The following PARD3 variants were observed in gnomAD, a reference collection of about 807,000 sequenced individuals.
PARD3 encodes partitioning defective 3 homolog.
PARD3 carries 75 observed loss-of-function variants against 155.4 expected under a neutral mutation model. That is an observed-to-expected ratio of 0.48 (90% CI 0.40 to 0.58). PARD3 has a LOEUF of 0.58. Ranked by LOEUF, PARD3 falls within the 20% of genes least tolerant of loss-of-function variation. The pLI, the probability that PARD3 is intolerant of heterozygous loss-of-function variation, is 0.00. For missense variants in PARD3, 1,642 were observed against 1,721.7 expected (o/e 0.95, Z 0.82); for synonymous variants, 576 against 610.5 (o/e 0.94, Z 0.83).
At chr10:34,728,465 C>A (rs1256102802) in intron 1 of PARD3, among the ~76,000 whole-genome samples, 2 of 152,236 alleles carry the variant, frequency 1.3e-5, no homozygotes, top group Non-Finnish European at 2.9e-5. Context: ...GGAAAAAAAA[C>A]ACCAAACCTC....
At chr10:34,764,831 C>T (rs902177705) in intron 1 of PARD3, among the ~76,000 whole-genome samples, 1 of 152,180 alleles carries the variant, frequency 6.6e-6, no homozygotes, top group Non-Finnish European at 1.5e-5. Flanking sequence ...TAGATAAGCA[C>T]CTGGCTGTCT....
intron 2 of PARD3, among the ~76,000 whole-genome samples, chr10:34,684,903 A>ACG (rs2093929214): frequency 1.3e-5 from 2 of 151,762 alleles, no homozygotes; most frequent in Non-Finnish European, 2.9e-5. Flanking sequence ...ACACACACAC[A>ACG]CACACACAGA....
intron 20 of PARD3, among the ~76,000 whole-genome samples, chr10:34,302,583 C>T (rs1394533815): frequency 1.3e-5 from 2 of 152,178 alleles, no homozygotes; most frequent in Non-Finnish European, 2.9e-5. Context: ...CATCACACTC[C>T]ATCACACTGA....
intron 5 of PARD3, among the ~76,000 whole-genome samples, chr10:34,420,247 G>A (rs1480490098): frequency 2.0e-5 from 3 of 152,156 alleles, no homozygotes; most frequent in Admixed American, 6.6e-5. Context: ...TCCATTAATG[G>A]ACACTTAAGC....
At chr10:34,463,726 TAAC>T (rs1253334066) in intron 4 of PARD3, among the ~76,000 whole-genome samples, 2 of 152,196 alleles carry the variant, frequency 1.3e-5, no homozygotes, top group Admixed American at 6.5e-5. Context: ...ATGCACCCCA[TAAC>T]AACGTCAATG....
chr10:34,765,639 C>T (rs956514826), intron 1 of PARD3, among the ~76,000 whole-genome samples: 4 of 151,286 alleles, frequency 2.6e-5, no homozygotes, highest in African/African-American at 9.7e-5. Context: ...GATCACACCA[C>T]TGCACTCCAG....
At chr10:34,773,773 T>G (rs1839192282) in intron 1 of PARD3, among the ~76,000 whole-genome samples, 1 of 152,236 alleles carries the variant, frequency 6.6e-6, no homozygotes, top group South Asian at 2.1e-4. Context: ...TTGGGTCCTT[T>G]GGGCAAACAT....
chr10:34,638,790 A>G (rs1180680321), intron 2 of PARD3, among the ~76,000 whole-genome samples: 1 of 152,254 alleles, frequency 6.6e-6, no homozygotes, highest in Non-Finnish European at 1.5e-5. Flanking sequence ...TAAAAATCTT[A>G]TGCTTTCAGC....
chr10:34,481,252 C>A (rs1054944879), intron 3 of PARD3, among the ~76,000 whole-genome samples: 9 of 152,124 alleles, frequency 5.9e-5, no homozygotes, highest in African/African-American at 2.2e-4. Context: ...CTTTCCCTCT[C>A]CCTCTCTCCA....
chr10:34,525,276 G>A (rs1398726830), intron 2 of PARD3, among the ~76,000 whole-genome samples: 1 of 152,074 alleles, frequency 6.6e-6, no homozygotes, highest in African/African-American at 2.4e-5. Context: ...TATTAAGAAG[G>A]GTATATACTG....
At chr10:34,172,983 A>T (rs1949871454) in intron 22 of PARD3, among the ~76,000 whole-genome samples, 1 of 152,184 alleles carries the variant, frequency 6.6e-6, no homozygotes, top group Admixed American at 6.5e-5. Context: ...CTCCATCGGG[A>T]AATCCTTTTA....
intron 2 of PARD3, among the ~76,000 whole-genome samples, chr10:34,601,090 C>T (rs970786352): frequency 6.9e-6 from 1 of 144,492 alleles, no homozygotes; most frequent in African/African-American, 2.6e-5. Flanking sequence ...GCATTACAGG[C>T]GTGAGCCATT....
At chr10:34,636,852 C>T (rs867413897) in intron 2 of PARD3, among the ~76,000 whole-genome samples, 7 of 152,142 alleles carry the variant, frequency 4.6e-5, no homozygotes, top group Non-Finnish European at 7.3e-5. Context: ...AAAATAAGCA[C>T]GAAACAGGAA....
At chr10:34,455,188 G>A (rs1021714025) in intron 4 of PARD3, among the ~76,000 whole-genome samples, 2 of 151,862 alleles carry the variant, frequency 1.3e-5, no homozygotes, top group Admixed American at 6.6e-5. Context: ...TTTCCACCTC[G>A]TTTCAGTGCA....
intron 7 of PARD3, among the ~76,000 whole-genome samples, chr10:34,387,506 C>CG (rs1362170606): frequency 1.3e-5 from 2 of 152,112 alleles, no homozygotes; most frequent in Non-Finnish European, 2.9e-5. Flanking sequence ...GCTCAAACCC[C>CG]GGGGCTCAAG....
At chr10:34,600,937 G>A (rs574238410) in intron 2 of PARD3, among the ~76,000 whole-genome samples, 3 of 148,746 alleles carry the variant, frequency 2.0e-5, no homozygotes, top group East Asian at 3.9e-4. Context: ...ACAAGCACGT[G>A]CCACCATGCC....
At chr10:34,133,498 C>T (rs1947726020) in intron 22 of PARD3, among the ~76,000 whole-genome samples, 1 of 152,208 alleles carries the variant, frequency 6.6e-6, no homozygotes, top group African/African-American at 2.4e-5. Context: ...ACCACATCTT[C>T]TTCTTATCAT....
intron 1 of PARD3, among the ~76,000 whole-genome samples, chr10:34,710,870 A>C (rs1244069384): frequency 6.6e-6 from 1 of 152,126 alleles, no homozygotes; most frequent in Non-Finnish European, 1.5e-5. Context: ...ATCTTCCCAA[A>C]TCCAGTTTAT....
At chr10:34,148,241 G>C (rs1948612848) in intron 22 of PARD3, among the ~76,000 whole-genome samples, 1 of 152,150 alleles carries the variant, frequency 6.6e-6, no homozygotes, top group Non-Finnish European at 1.5e-5. Context: ...AGCTGGAAAA[G>C]AAAAGCCTTA....
Sources: allele counts gnomAD v4.1 joint callset (sites outside exome capture counted in the v4.1 genomes callset), GRCh38; gene constraint gnomAD v4.1.1; transcripts MANE v1.5; gene names NCBI Gene and HGNC (gene_info 2026-07-23, HGNC 2026-07-21).